The following GOLGA8B variants were observed in gnomAD, a reference collection of about 807,000 sequenced individuals.
GOLGA8B encodes the protein golgin subfamily A member 8B.
GOLGA8B carries 1 observed loss-of-function variant against 15.6 expected under a neutral mutation model. The ratio of observed to expected loss-of-function variants is 0.06; its 90% confidence interval spans 0.02 to 0.30. GOLGA8B has a LOEUF of 0.30. Among genes scored for constraint, GOLGA8B ranks in the 10% least tolerant of loss-of-function variants. The pLI is 1.00. For synonymous variants in GOLGA8B, 9 were observed against 80.3 expected, an observed-to-expected ratio of 0.11 and a Z score of 4.75; for missense variants, 17 against 201.3, an observed-to-expected ratio of 0.08 and a Z score of 5.54.
intron 1 of GOLGA8B, among the ~76,000 whole-genome samples, chr15:34,575,106 T>TTAAAA (rs564256341): frequency 5.8e-5 from 8 of 138,374 alleles, no homozygotes; most frequent in East Asian, 2.1e-4. Flanking sequence ...TAAATCCTTG[T>TTAAAA]AAAAAAAAAA....
intron 1 of GOLGA8B, among the ~76,000 whole-genome samples, chr15:34,574,447 C>A (rs1250203514): frequency 6.6e-6 from 1 of 151,772 alleles, no homozygotes; most frequent in Non-Finnish European, 1.5e-5. Context: ...AGGACCACAC[C>A]CATGAGCCAC....
intron 1 of GOLGA8B, among the ~76,000 whole-genome samples, chr15:34,579,186 G>C (rs1001018621): frequency 6.6e-6 from 1 of 151,920 alleles, no homozygotes; most frequent in African/African-American, 2.4e-5. Context: ...CTGAGCTCCT[G>C]TTACTCCAAA....
chr15:34,558,986 G>C (rs1295027396), intron 1 of GOLGA8B, among the ~76,000 whole-genome samples: 6 of 105,122 alleles, frequency 5.7e-5, no homozygotes, highest in African/African-American at 2.5e-4. Flanking sequence ...CACAGACAAA[G>C]CAGTGGCGGG....
intron 1 of GOLGA8B, among the ~76,000 whole-genome samples, chr15:34,571,261 C>T (rs147838618): frequency 6.2e-4 from 94 of 151,988 alleles, no homozygotes; most frequent in African/African-American, 2.1e-3. Flanking sequence ...TGCAATGAGC[C>T]GTGTTTGCAC....
intron 1 of GOLGA8B, among the ~76,000 whole-genome samples, chr15:34,573,775 TG>T (rs1303029010): frequency 9.9e-5 from 15 of 151,966 alleles, no homozygotes; most frequent in Admixed American, 6.5e-5. Flanking sequence ...AAGATCCTCC[TG>T]GGGCCACAGA....
At chr15:34,548,168 T>C (rs1487974024) in intron 4 of GOLGA8B, among the ~76,000 whole-genome samples, 10 of 148,936 alleles carry the variant, frequency 6.7e-5, no homozygotes, top group African/African-American at 2.5e-4. Context: ...TACACTCCCA[T>C]TAGAAAAACA....
At chr15:34,559,097 A>T (rs1248773292) in intron 1 of GOLGA8B, among the ~76,000 whole-genome samples, 4 of 136,964 alleles carry the variant, frequency 2.9e-5, no homozygotes, top group Non-Finnish European at 4.6e-5. Flanking sequence ...TGAAAAGGGA[A>T]GGAAATTCTG....
At chr15:34,572,917 GAGATACA>G (rs1888960655) in intron 1 of GOLGA8B, among the ~76,000 whole-genome samples, 1 of 152,130 alleles carries the variant, frequency 6.6e-6, no homozygotes, top group South Asian at 2.1e-4. Context: ...TTCTTCTCCA[GAGATACA>G]AGATAATTGC....
At chr15:34,573,594 C>T (rs1256756439) in intron 1 of GOLGA8B, among the ~76,000 whole-genome samples, 1 of 150,750 alleles carries the variant, frequency 6.6e-6, no homozygotes, top group Non-Finnish European at 1.5e-5. Flanking sequence ...AATTTGCTTC[C>T]ACACATAGAA....
At chr15:34,576,948 C>T (rs1261124868) in intron 1 of GOLGA8B, among the ~76,000 whole-genome samples, 1 of 151,764 alleles carries the variant, frequency 6.6e-6, no homozygotes, top group African/African-American at 2.4e-5. Context: ...CATCTCATCT[C>T]CTCCATCCAT....
At chr15:34,569,331 G>A (rs1267337125) in intron 1 of GOLGA8B, among the ~76,000 whole-genome samples, 5 of 150,970 alleles carry the variant, frequency 3.3e-5, no homozygotes, top group Non-Finnish European at 5.9e-5. Context: ...TTGGACCCAC[G>A]CCTCCCGGTA....
intron 1 of GOLGA8B, chr15:34,583,010 G>C (rs192664619): frequency 6.6e-6 from 1 of 152,218 alleles, no homozygotes; most frequent in Non-Finnish European, 1.5e-5. Context: ...TTATTATACA[G>C]GAAAAGGGAA....
At chr15:34,543,367 G>C (rs1156997242) in intron 7 of GOLGA8B, among the ~76,000 whole-genome samples, 1 of 145,734 alleles carries the variant, frequency 6.9e-6, no homozygotes, top group East Asian at 2.0e-4. Context: ...TTTTTTTTTT[G>C]GTGGTGGTGG....
At chr15:34,575,969 G>T (rs971242251) in intron 1 of GOLGA8B, among the ~76,000 whole-genome samples, 6 of 152,224 alleles carry the variant, frequency 3.9e-5, no homozygotes, top group Non-Finnish European at 7.3e-5. Context: ...GGACTCGGGG[G>T]TAAGAAAAGT....
At position 34,556,994 on chromosome 15, in the gene GOLGA8B, G is replaced by A. The variant is rs1434307374; in HGVS notation, c.-1122-3038C>T. Among the ~76,000 whole-genome samples, 28 of 145,692 alleles carry A rather than the reference G, an allele frequency of 1.9e-4. No homozygotes were observed. In the East Asian group the frequency reaches 5.1e-3, roughly 27 times the overall value. The stretch of plus-strand genomic sequence containing the variant: ...GGAGACATGTTGCGTGGATGCTCCG[G>A]CCACTCTTAAGCTCACCGCTCAGAC... On this transcript the variant is annotated intron_variant, in intron 1 of 23. Transcript: ENST00000683415.
Position 34,564,863 on chromosome 15 carries a change from C to G in GOLGA8B, c.-1122-10907G>C, listed in dbSNP as rs1022346452. On this transcript the variant is annotated intron_variant, in intron 1 of 23. Coordinates refer to ENST00000683415, the MANE Select transcript of GOLGA8B (RefSeq NM_001023567.5). ...TCATGCCATGGAGTCTGGACTCCAC[C>G]CTGTAGGTGACAGGAGCCAAGACAG... is the stretch of plus-strand genomic sequence containing the variant. Among the ~76,000 whole-genome samples the G allele has an allele frequency of 1.4e-5, 2 of 143,984 alleles. 1 individual carries two copies. The highest frequency in any genetic ancestry group is 3.2e-5 in the Non-Finnish European group (2 of 62,678). 94.5% of individuals were successfully genotyped at this position (143,984 alleles called of 152,430 possible). A position where few individuals can be genotyped will look rare whatever the true frequency, so the allele number is the denominator to read the frequency against.
At chr15:34,576,056 G>A (rs1889070565) in intron 1 of GOLGA8B, among the ~76,000 whole-genome samples, 1 of 152,198 alleles carries the variant, frequency 6.6e-6, no homozygotes, top group South Asian at 2.1e-4. Flanking sequence ...GACGGGACGG[G>A]CAAGGTGAGA....
Position 34,526,570 on chromosome 15 carries a change from A to C in GOLGA8B, c.*1062T>G, listed in dbSNP as rs1888061735. 1 of 148,794 alleles carries C rather than the reference A, an allele frequency of 6.7e-6. No individual in the cohort carries two copies. The allele number at this position is 148,794 out of a possible 1,614,324, so 9.2% of individuals were successfully genotyped here. On this transcript the variant is annotated 3_prime_UTR_variant, in exon 24 of 24. Coordinates refer to ENST00000683415, the MANE Select transcript of GOLGA8B (RefSeq NM_001023567.5). Reference sequence around the variant, plus strand: ...TTCACTCTAATTCATTCTTGACTAGAGCCTGTATGCCTGTTTCAGAGACAT... The same window carrying C: ...TTCACTCTAATTCATTCTTGACTAGCGCCTGTATGCCTGTTTCAGAGACAT...
intron 1 of GOLGA8B, among the ~76,000 whole-genome samples, chr15:34,571,203 C>T (rs1888904811): frequency 6.6e-6 from 1 of 152,078 alleles, no homozygotes; most frequent in African/African-American, 2.4e-5. Context: ...GACCCTACTA[C>T]TTGGGAGGCT....
Sources: allele counts gnomAD v4.1 joint callset (sites outside exome capture counted in the v4.1 genomes callset), GRCh38; gene constraint gnomAD v4.1.1; transcripts MANE v1.5; gene names NCBI Gene and HGNC (gene_info 2026-07-23, HGNC 2026-07-21).